The following FAM163A variants were observed in gnomAD, a reference collection of about 807,000 sequenced individuals.
FAM163A encodes the protein protein FAM163A.
A neutral mutation model predicts 12.0 loss-of-function variants in FAM163A; 7 were observed. The ratio of observed to expected loss-of-function variants is 0.58; its 90% confidence interval spans 0.33 to 1.10. FAM163A has a LOEUF of 1.10. FAM163A is among the 50% of genes least tolerant of loss of function. The probability of loss-of-function intolerance (pLI) is 0.03; values close to 1 mark genes in which losing one functional copy is unlikely to be tolerated. For missense variants in FAM163A, 202 were observed against 218.6 expected, an observed-to-expected ratio of 0.92 and a Z score of 0.48; for synonymous variants, 101 against 91.0, an observed-to-expected ratio of 1.11 and a Z score of -0.62.
chr1:179,755,635 T>C (rs763140105), intron 1 of FAM163A, among the ~76,000 whole-genome samples: 1 of 152,304 alleles, frequency 6.6e-6, no homozygotes, highest in African/African-American at 2.4e-5. Flanking sequence ...AACACTCTAA[T>C]TCAGGAAAAC....
intron 1 of FAM163A, among the ~76,000 whole-genome samples, chr1:179,758,400 CAG>C (rs1686328582): frequency 1.3e-5 from 2 of 152,156 alleles, no homozygotes. Flanking sequence ...AAGCCGTGCT[CAG>C]AGAACATGCT....
chr1:179,811,486 G>A (rs1694691817), intron 2 of FAM163A, among the ~76,000 whole-genome samples: 1 of 152,162 alleles, frequency 6.6e-6, no homozygotes, highest in African/African-American at 2.4e-5. Flanking sequence ...TTGGGACCTT[G>A]TTAAAATGCA....
intron 1 of FAM163A, among the ~76,000 whole-genome samples, chr1:179,795,080 G>A (rs1407265620): frequency 6.6e-6 from 1 of 152,142 alleles, no homozygotes; most frequent in African/African-American, 2.4e-5. Flanking sequence ...AAGGGGGATG[G>A]GAGAGGGCTA....
At chr1:179,804,989 C>T (rs780932327) in intron 1 of FAM163A, among the ~76,000 whole-genome samples, 1 of 152,174 alleles carries the variant, frequency 6.6e-6, no homozygotes, top group African/African-American at 2.4e-5. Flanking sequence ...GGAGTCCTTA[C>T]ATTTCCATGG....
chr1:179,774,012 A>G (rs1036361999), intron 1 of FAM163A, among the ~76,000 whole-genome samples: 1 of 152,212 alleles, frequency 6.6e-6, no homozygotes, highest in Non-Finnish European at 1.5e-5. Context: ...GAAGTACTGA[A>G]GCATATTTCC....
At chr1:179,736,936 T>C in the FAM163A span, among the ~76,000 whole-genome samples, 1 of 152,184 alleles carries the variant, frequency 6.6e-6, no homozygotes, top group South Asian at 2.1e-4. Context: ...GTAAATAATA[T>C]GACATTTCCT....
At chr1:179,800,290 G>T (rs1470646936) in intron 1 of FAM163A, among the ~76,000 whole-genome samples, 1 of 152,226 alleles carries the variant, frequency 6.6e-6, no homozygotes, top group Non-Finnish European at 1.5e-5. Flanking sequence ...AAAAAAACAT[G>T]CAGAGCAGCC....
chr1:179,731,919 G>A, the FAM163A span, among the ~76,000 whole-genome samples: 38 of 152,314 alleles, frequency 2.5e-4, no homozygotes, highest in African/African-American at 8.7e-4. Flanking sequence ...GGTCTATTCA[G>A]ATATTTTTGC....
chr1:179,812,278 T>G (rs1694800219), intron 3 of FAM163A, 147 bp downstream of exon 3: 1 of 152,668 alleles, frequency 6.6e-6, no homozygotes. Flanking sequence ...CATGACAGCC[T>G]CATGCCCAGA....
At chr1:179,752,518 A>T (rs1248624801) in intron 1 of FAM163A, among the ~76,000 whole-genome samples, 1 of 151,572 alleles carries the variant, frequency 6.6e-6, no homozygotes, top group Non-Finnish European at 1.5e-5. Context: ...AAGGCAGCCT[A>T]TGGGATGGGA....
At chr1:179,752,476 C>CAAAAAAA (rs33926633) in intron 1 of FAM163A, among the ~76,000 whole-genome samples, 1 of 127,994 alleles carries the variant, frequency 7.8e-6, no homozygotes, top group African/African-American at 2.9e-5. Flanking sequence ...TTTGTACAGC[C>CAAAAAAA]AAAAAAAAAA....
chr1:179,784,332 G>A (rs1176426620), intron 1 of FAM163A, among the ~76,000 whole-genome samples: 6 of 152,322 alleles, frequency 3.9e-5, no homozygotes, highest in East Asian at 1.9e-4. Flanking sequence ...GCAAAGCCAC[G>A]CTGTGTAAGT....
At chr1:179,803,520 CCCAACTCCAG>C (rs1557969088) in intron 1 of FAM163A, among the ~76,000 whole-genome samples, 1 of 152,276 alleles carries the variant, frequency 6.6e-6, no homozygotes, top group East Asian at 1.9e-4. Flanking sequence ...GCTTTTAGTG[CCCAACTCCAG>C]CCTCTACTAG....
chr1:179,786,148 A>T (rs933942988), intron 1 of FAM163A, among the ~76,000 whole-genome samples: 1 of 152,254 alleles, frequency 6.6e-6, no homozygotes. Context: ...GGATTTAAAA[A>T]GATGTTATTT....
the FAM163A span, among the ~76,000 whole-genome samples, chr1:179,732,322 T>G: frequency 5.9e-5 from 9 of 152,356 alleles, no homozygotes; most frequent in African/African-American, 1.9e-4. Flanking sequence ...AAATTGGATG[T>G]GAACTTTGTT....
At chr1:179,758,784 C>A (rs1239838200) in intron 1 of FAM163A, among the ~76,000 whole-genome samples, 1 of 152,176 alleles carries the variant, frequency 6.6e-6, no homozygotes, top group Non-Finnish European at 1.5e-5. Context: ...AATCCTCCAC[C>A]CCTGGGGCTG....
chr1:179,742,621 C>A (rs373042465), upstream of FAM163A: 2 of 152,298 alleles, frequency 1.3e-5, no homozygotes, highest in African/African-American at 4.8e-5. Context: ...GATGTCAGAA[C>A]TTATTGGCTG....
At chr1:179,739,872 T>C (rs1453846591), upstream of FAM163A, among the ~76,000 whole-genome samples, 1 of 152,226 alleles carries the variant, frequency 6.6e-6, no homozygotes, top group African/African-American at 2.4e-5. Context: ...ATTATACATG[T>C]ATAAGAATGG....
chr1:179,767,251 G>A (rs1241024461), intron 1 of FAM163A, among the ~76,000 whole-genome samples: 1 of 152,106 alleles, frequency 6.6e-6, no homozygotes, highest in Non-Finnish European at 1.5e-5. Context: ...GGACATGTTC[G>A]AGTCCAATCC....
Sources: allele counts gnomAD v4.1 joint callset (sites outside exome capture counted in the v4.1 genomes callset), GRCh38; gene constraint gnomAD v4.1.1; transcripts MANE v1.5; gene names NCBI Gene and HGNC (gene_info 2026-07-23, HGNC 2026-07-21).